KIF1A: variants seen among roughly 807,000 people sequenced by gnomAD.
KIF1A encodes the protein kinesin family member 1A.
A neutral mutation model predicts 227.3 loss-of-function variants in KIF1A; 46 were observed. The ratio of observed to expected loss-of-function variants is 0.20; its 90% CI spans 0.16 to 0.26. The LOEUF (loss-of-function observed/expected upper bound fraction) is 0.26. KIF1A is among the 10% of genes least tolerant of loss of function. KIF1A has a pLI of 1.00. For synonymous variants in KIF1A, 1,022 were observed against 1,012.8 expected (o/e 1.01, Z -0.17); for missense variants, 1,683 against 2,485.9 (o/e 0.68, Z 6.87).
Position 240,765,734 on chromosome 2 carries a change from T to C in KIF1A, c.1744A>G (p.Thr582Ala). 1.9e-6 allele frequency: 3 copies of C among 1,613,600 alleles called. No individual in the cohort carries two copies. The highest frequency in any genetic ancestry group is 2.5e-6 in the Non-Finnish European group (3 of 1,179,778). The change falls in exon 20 of 49, where the codon ACA becomes GCA. Residue 582 changes from threonine (T) to alanine (A), a missense_variant. By Grantham distance (58) the Thr-to-Ala change is moderately conservative. Coordinates refer to ENST00000498729, the MANE Select transcript of KIF1A (RefSeq NM_001244008.2). ...ADTYVNGKKV[T>A]EPSILRSGNR... ...CCTGAACGCAGGATGCTGGGCTCTG[T>C]GACTTTCTTGCCATTGACGTAGGTG...
intron 32 of KIF1A, among the ~76,000 whole-genome samples, 169 bp from the exon 33 acceptor site, chr2:240,744,229 C>A (rs1351526704): frequency 6.6e-6 from 1 of 152,220 alleles, no homozygotes; most frequent in African/African-American, 2.4e-5. Flanking sequence ...AGCCCAGCCC[C>A]TCCTCCCACC....
rs2049926903 is a variant in KIF1A, at chr2:240,757,053, G to C, written c.2858+266C>G. The stretch of plus-strand genomic sequence containing the variant: ...CTGGGGCCACAGCTGCAAGCTCCGG[G>C]GTGCACTACCTCTTCTGTACCTGGA... On this transcript the variant is annotated intron_variant, in intron 27 of 48. Transcript: ENST00000498729. This position sits in a 1 kb window ranked among gnomAD's most constrained non-coding sequence, Gnocchi z 6.2. 6.6e-6 allele frequency among the ~76,000 whole-genome samples: 1 copy of C among 152,190 alleles called. No homozygotes were observed. The highest frequency in any genetic ancestry group is 6.5e-5 in the Admixed American group (1 of 15,286).
chr2:240,768,535 T>G (rs952916827), intron 17 of KIF1A, among the ~76,000 whole-genome samples: 9 of 152,086 alleles, frequency 5.9e-5, no homozygotes, highest in Admixed American at 1.3e-4. Context: ...CAAGAAAGAC[T>G]TTTTCCCAAG....
At chr2:240,755,921 C>G (rs1458451966) in intron 27 of KIF1A, among the ~76,000 whole-genome samples, 1 of 151,940 alleles carries the variant, frequency 6.6e-6, no homozygotes, top group Non-Finnish European at 1.5e-5. Flanking sequence ...GTCCACTGCT[C>G]CCTCTTGGGC....
intron 23 of KIF1A, among the ~76,000 whole-genome samples, chr2:240,761,617 C>T (rs1270070359): frequency 6.6e-6 from 1 of 152,206 alleles, no homozygotes; most frequent in Non-Finnish European, 1.5e-5. Flanking sequence ...GGCTTCCTCT[C>T]ACTCTGGGTC....
chr2:240,789,593 A>G lies in KIF1A; in HGVS notation c.107-281T>C, dbSNP rs2055392494. On this transcript the variant is annotated intron_variant, in intron 2 of 48. Transcript: ENST00000498729. This position sits in a 1 kb window ranked among gnomAD's most constrained non-coding sequence, Gnocchi z 4.8. ...CGCCAAATGCAACTGGCTCCCCTCA[A>G]AGGCAGCCACCCGGGGAGGATCCTT... 6.6e-6 allele frequency among the ~76,000 whole-genome samples: 1 copy of G among 152,012 alleles called. No homozygotes were observed. The highest frequency in any genetic ancestry group is 6.5e-5 in the Admixed American group (1 of 15,276).
intron 37 of KIF1A, 67 bp from the exon 38 acceptor site, chr2:240,737,235 C>T (rs939982853): frequency 2.4e-6 from 3 of 1,252,246 alleles, no homozygotes; most frequent in African/African-American, 1.5e-5. Flanking sequence ...GGGGCTGCCT[C>T]AGGTGGGGGT....
chr2:240,727,024 G>A (rs749048852), intron 38 of KIF1A, 84 bp from the exon 39 acceptor site: 62 of 795,616 alleles, frequency 7.8e-5, no homozygotes, highest in Non-Finnish European at 1.0e-4. Context: ...CAGACAGAGC[G>A]ACAGACAAGG....
Position 240,721,081 on chromosome 2 carries a change from G to A in KIF1A, c.4744-43C>T, listed in dbSNP as rs557881323. 1.6e-5 allele frequency: 25 copies of A among 1,606,720 alleles called. No homozygotes were observed. In the East Asian group the frequency reaches 3.8e-4, roughly 24 times the overall value. On this transcript the variant is annotated intron_variant, in intron 44 of 48. Coordinates refer to ENST00000498729, the MANE Select transcript of KIF1A (RefSeq NM_001244008.2). ...TTTTCAGGGGACACAGGGAAGGGGG[G>A]TCTCCGGCCTCTGTGGGAGCTGCTC...
intron 15 of KIF1A, among the ~76,000 whole-genome samples, chr2:240,770,380 AGGATGGCCT>A (rs1404399936): frequency 6.6e-6 from 1 of 152,190 alleles, no homozygotes; most frequent in Non-Finnish European, 1.5e-5. Flanking sequence ...GTGTGAACAC[AGGATGGCCT>A]GGAGGGAGCT....
chr2:240,723,964 C>T lies in KIF1A; in HGVS notation c.4318+11G>A. On this transcript the variant is annotated intron_variant, in intron 41 of 48. Coordinates refer to ENST00000498729, the MANE Select transcript of KIF1A (RefSeq NM_001244008.2). ...AGGAACCCACCCAGTGAGAGCAGGG[C>T]AGATACCTACCTGGGCTGCCCGCGT... The T allele has an allele frequency of 6.2e-7, 1 of 1,610,584 alleles. No homozygotes were observed. The highest frequency in any genetic ancestry group is 1.1e-5 in the South Asian group (1 of 91,026).
At position 240,790,785 on chromosome 2, in the gene KIF1A, C is replaced by T. The variant is rs1227023796; in HGVS notation, c.107-1473G>A. ...GATGACAAGCTAGGAACACCAGAAG[C>T]AGCCGGCAAGCCCCAGAAGCTGGAG... On this transcript the variant is annotated intron_variant, in intron 2 of 48. Transcript: ENST00000498729. The surrounding 1 kb of genome is among the most constrained non-coding windows in gnomAD (Gnocchi z 5.0). Among the ~76,000 whole-genome samples the T allele has an allele frequency of 6.6e-6, 1 of 152,098 alleles. No homozygotes were observed. The highest frequency in any genetic ancestry group is 1.5e-5 in the Non-Finnish European group (1 of 68,014).
intron 28 of KIF1A, among the ~76,000 whole-genome samples, chr2:240,748,369 G>T (rs1017170260): frequency 3.9e-5 from 6 of 152,216 alleles, no homozygotes; most frequent in Non-Finnish European, 5.9e-5. Context: ...GGACCCCAGA[G>T]AGCTCCTCTG....
chr2:240,789,157 G>A lies in KIF1A; in HGVS notation c.183+79C>T. On this transcript the variant is annotated intron_variant, in intron 3 of 48. Transcript: ENST00000498729. This position sits in a 1 kb window ranked among gnomAD's most constrained non-coding sequence, Gnocchi z 4.8. ...CAGTTAGAGAGGAATGAGCGGCTCA[G>A]AGAAGTTGAGGGACCCCGAGGGCCA... The A allele has an allele frequency of 6.0e-6, 7 of 1,163,702 alleles. No homozygotes were observed. Among genetic ancestry groups the A allele is most frequent in the South Asian group, 1.2e-5 (1 of 80,456 alleles). 72.1% of individuals were successfully genotyped at this position (1,163,702 alleles called of 1,614,324 possible). A position where few individuals can be genotyped will look rare whatever the true frequency, so the allele number is the denominator to read the frequency against.
chr2:240,747,160 T>G, intron 29 of KIF1A, 76 bp downstream of exon 29: 1 of 1,074,946 alleles, frequency 9.3e-7, no homozygotes, highest in Non-Finnish European at 1.4e-6. Flanking sequence ...ACAGGGGTGT[T>G]AGAGGAGCAA....
At chr2:240,770,937 T>G in intron 15 of KIF1A, 34 bp downstream of exon 15, 1 of 1,604,590 alleles carries the variant, frequency 6.2e-7, no homozygotes, top group Non-Finnish European at 8.5e-7. Context: ...ACTCCCAGAG[T>G]CTGACACCCT....
intron 10 of KIF1A, 47 bp downstream of exon 10, chr2:240,782,543 G>A (rs927821744): frequency 3.2e-6 from 5 of 1,546,024 alleles, no homozygotes; most frequent in East Asian, 2.4e-5. Context: ...GGCAGACACC[G>A]CCACCAGCCT....
At chr2:240,810,017 T>C (rs972888410) in intron 1 of KIF1A, among the ~76,000 whole-genome samples, 66 of 152,238 alleles carry the variant, frequency 4.3e-4, no homozygotes, top group Admixed American at 2.6e-3. Flanking sequence ...TTTCGCCACA[T>C]TGGCCAGGTT....
At chr2:240,807,155 C>CAG (rs1252497384) in intron 1 of KIF1A, among the ~76,000 whole-genome samples, 7 of 136,286 alleles carry the variant, frequency 5.1e-5, no homozygotes, top group East Asian at 2.1e-4. Context: ...TATATATACA[C>CAG]AGAGAGAGAG....
Sources: gnomAD v4.1 joint callset for allele counts (sites outside exome capture counted in the v4.1 genomes callset) on GRCh38, gnomAD v4.1.1 for gene constraint, Gnocchi (gnomAD v3.1) non-coding constraint, MANE v1.5 for transcripts, NCBI Gene and HGNC (gene_info 2026-07-23, HGNC 2026-07-21) for gene names.